Variants in SHISA6 observed in about 807,000 individuals in gnomAD.
SHISA6 encodes the protein protein shisa-6.
A neutral mutation model predicts 47.9 loss-of-function variants in SHISA6; 22 were observed. That is an observed-to-expected ratio of 0.46 (90% CI 0.33 to 0.66). The LOEUF is 0.66. Among genes scored for constraint, SHISA6 ranks in the 30% least tolerant of loss-of-function variants. The pLI is 0.02. For missense variants in SHISA6, 680 were observed against 764.6 expected, an observed-to-expected ratio of 0.89 and a Z score of 1.30; for synonymous variants, 388 against 337.8, an observed-to-expected ratio of 1.15 and a Z score of -1.63.
At chr17:11,549,873 T>G (rs1455207000) in intron 3 of SHISA6, among the ~76,000 whole-genome samples, 1 of 152,216 alleles carries the variant, frequency 6.6e-6, no homozygotes, top group African/African-American at 2.4e-5. Context: ...GAAAAAATGT[T>G]TTTTAATCTC....
chr17:11,351,139 T>TG (rs1180262297), intron 2 of SHISA6, among the ~76,000 whole-genome samples: 3 of 151,034 alleles, frequency 2.0e-5, no homozygotes, highest in African/African-American at 4.9e-5. Context: ...TGGGGCCTGT[T>TG]GGGGGGTGGG....
At chr17:11,422,851 C>G (rs1388884826) in intron 3 of SHISA6, among the ~76,000 whole-genome samples, 1 of 151,610 alleles carries the variant, frequency 6.6e-6, no homozygotes, top group Admixed American at 6.6e-5. Flanking sequence ...GAAAACATGG[C>G]CAAGGGAATC....
At position 11,555,786 on chromosome 17, in the gene SHISA6, T is replaced by C. The variant is rs1291306126; in HGVS notation, c.999T>C (p.Tyr333=). ...NNILTSATEP[Y]DLSFSRSFQN... ...TCCTGACATCAGCCACCGAGCCCTA[T>C]GACCTCTCCTTCTCCCGCTCGTTCC... is the stretch of plus-strand genomic sequence containing the variant. The change falls in exon 5 of 6, where the codon TAT becomes TAC. Residue 333 remains tyrosine (Y), a synonymous_variant. Coordinates refer to ENST00000441885, the MANE Select transcript of SHISA6 (RefSeq NM_207386.4). The C allele has an allele frequency of 5.2e-6, 8 of 1,551,564 alleles. No individual in the cohort carries two copies. Among genetic ancestry groups the C allele is most frequent in the Non-Finnish European group, 5.2e-6 (6 of 1,146,838 alleles).
intron 3 of SHISA6, among the ~76,000 whole-genome samples, chr17:11,513,277 A>G (rs1342442858): frequency 6.6e-6 from 1 of 151,826 alleles, no homozygotes; most frequent in Non-Finnish European, 1.5e-5. Flanking sequence ...ATACATATAT[A>G]TATACACATA....
At chr17:11,285,779 T>G (rs1909273386) in intron 2 of SHISA6, among the ~76,000 whole-genome samples, 1 of 151,250 alleles carries the variant, frequency 6.6e-6, no homozygotes, top group African/African-American at 2.4e-5. Context: ...GCAGTGACAG[T>G]GGTTGGAATG....
intron 3 of SHISA6, among the ~76,000 whole-genome samples, chr17:11,539,170 A>C (rs578139103): frequency 5.3e-5 from 8 of 152,028 alleles, no homozygotes; most frequent in Non-Finnish European, 1.0e-4. Flanking sequence ...TTGAACTCCC[A>C]ATCTCAGGTG....
At chr17:11,441,695 A>T (rs528201328) in intron 3 of SHISA6, among the ~76,000 whole-genome samples, 17 of 152,208 alleles carry the variant, frequency 1.1e-4, no homozygotes, top group Non-Finnish European at 1.9e-4. Context: ...ATTTATACCC[A>T]CTATGAGGCT....
At chr17:11,383,379 A>G (rs188441695) in intron 3 of SHISA6, among the ~76,000 whole-genome samples, 2 of 152,302 alleles carry the variant, frequency 1.3e-5, no homozygotes, top group East Asian at 3.9e-4. Context: ...TCCATAGTTC[A>G]TGGGTAATTA....
At chr17:11,406,997 T>G (rs572556076) in intron 3 of SHISA6, among the ~76,000 whole-genome samples, 1 of 152,270 alleles carries the variant, frequency 6.6e-6, no homozygotes, top group East Asian at 1.9e-4. Flanking sequence ...GAAGTCTAAA[T>G]TTTGGATGTT....
chr17:11,323,667 TAA>T (rs1184222355), intron 2 of SHISA6, among the ~76,000 whole-genome samples: 5 of 112,212 alleles, frequency 4.5e-5, no homozygotes, highest in African/African-American at 1.7e-4. Context: ...AATAAATAAA[TAA>T]AATAATAATA....
intron 3 of SHISA6, among the ~76,000 whole-genome samples, chr17:11,462,477 T>C (rs1441494527): frequency 6.6e-6 from 1 of 152,240 alleles, no homozygotes; most frequent in African/African-American, 2.4e-5. Context: ...TTCTTGCTGA[T>C]GAGTGGTGTC....
chr17:11,558,383 C>T lies in SHISA6; in HGVS notation c.*79C>T, dbSNP rs866095347. 16 of 1,419,116 alleles carry T rather than the reference C, an allele frequency of 1.1e-5. No individual in the cohort carries two copies. In the Middle Eastern group the frequency reaches 1.5e-3, roughly 133 times the overall value. The allele number at this position is 1,419,116 out of a possible 1,614,324, so 87.9% of individuals were successfully genotyped here. A position where few individuals can be genotyped will look rare whatever the true frequency, so the allele number is the denominator to read the frequency against. On this transcript the variant is annotated 3_prime_UTR_variant, in exon 6 of 6. Transcript: ENST00000441885. The stretch of plus-strand genomic sequence containing the variant: ...GAGGGGCCAGGAGCAGAGCTTCTAG[C>T]CTTGCCACTCTCCCTTCCCTTGTCC...
intron 3 of SHISA6, among the ~76,000 whole-genome samples, chr17:11,519,688 C>T (rs1195424948): frequency 6.6e-6 from 1 of 152,126 alleles, no homozygotes; most frequent in African/African-American, 2.4e-5. Context: ...ATAATAACAG[C>T]TGTAAATACC....
At chr17:11,522,328 A>G (rs2071637098) in intron 3 of SHISA6, among the ~76,000 whole-genome samples, 1 of 152,024 alleles carries the variant, frequency 6.6e-6, no homozygotes, top group Middle Eastern at 3.4e-3. Context: ...CAGTTGCATG[A>G]TCTTGGCTCA....
intron 2 of SHISA6, among the ~76,000 whole-genome samples, chr17:11,267,279 G>A (rs1181660183): frequency 1.3e-5 from 2 of 152,174 alleles, no homozygotes; most frequent in Non-Finnish European, 2.9e-5. Context: ...TGTGGTCCAT[G>A]GACCAGGAGC....
chr17:11,259,787 T>C (rs752398007), intron 1 of SHISA6, among the ~76,000 whole-genome samples: 28 of 152,232 alleles, frequency 1.8e-4, no homozygotes, highest in Non-Finnish European at 3.5e-4. Flanking sequence ...CTGACCCAGC[T>C]GGAGGGACCA....
chr17:11,422,475 G>A (rs898545836), intron 3 of SHISA6, among the ~76,000 whole-genome samples: 6 of 152,196 alleles, frequency 3.9e-5, no homozygotes, highest in Non-Finnish European at 7.3e-5. Context: ...ATCTAGGCCA[G>A]GTGCAGTGGC....
intron 3 of SHISA6, among the ~76,000 whole-genome samples, chr17:11,411,508 T>G (rs751679931): frequency 3.2e-4 from 48 of 152,174 alleles, no homozygotes; most frequent in Non-Finnish European, 5.7e-4. Flanking sequence ...GCGATTCTCC[T>G]GCCTCAGCCT....
intron 2 of SHISA6, among the ~76,000 whole-genome samples, chr17:11,325,998 C>T (rs1567573615): frequency 6.6e-6 from 1 of 152,226 alleles, no homozygotes; most frequent in Non-Finnish European, 1.5e-5. Flanking sequence ...AGGCCGGGCA[C>T]AGTGGCTCAC....
Sources: allele counts gnomAD v4.1 joint callset (sites outside exome capture counted in the v4.1 genomes callset), GRCh38; gene constraint gnomAD v4.1.1; transcripts MANE v1.5; gene names NCBI Gene and HGNC (gene_info 2026-07-23, HGNC 2026-07-21).